CARF: variants seen among roughly 807,000 people sequenced by gnomAD.
The protein encoded by CARF is calcium responsive transcription factor, also known as calcium-responsive transcription factor.
Under a neutral mutation model 82.0 loss-of-function variants are expected in CARF, and 57 were observed. The observed-to-expected ratio is 0.70, with a 90% CI of 0.56 to 0.87. The LOEUF (loss-of-function observed/expected upper bound fraction) is 0.87. Ranked by LOEUF, CARF falls within the 40% of genes least tolerant of loss-of-function variation. The pLI is 0.00. For synonymous variants in CARF, 268 were observed against 290.1 expected (o/e 0.92, Z 0.77); for missense variants, 771 against 855.8 (o/e 0.90, Z 1.24).
chr2:202,918,389 C>T (rs1294989154), intron 2 of CARF, among the ~76,000 whole-genome samples: 1 of 151,950 alleles, frequency 6.6e-6, no homozygotes, highest in African/African-American at 2.4e-5. Context: ...GGCATGGTGG[C>T]GGGCGCCTAT....
chr2:202,937,051 A>G (rs765619729), intron 3 of CARF, among the ~76,000 whole-genome samples: 5 of 152,188 alleles, frequency 3.3e-5, no homozygotes, highest in Non-Finnish European at 5.9e-5. Flanking sequence ...TGTTGAAGAT[A>G]GTATTCTTTC....
intron 3 of CARF, among the ~76,000 whole-genome samples, chr2:202,939,436 C>T (rs946354811): frequency 6.6e-6 from 1 of 152,062 alleles, no homozygotes; most frequent in Non-Finnish European, 1.5e-5. Flanking sequence ...GTGTGTTTAT[C>T]GGGATAGTAA....
At position 202,987,760 on chromosome 2, in the gene CARF, G is replaced by C. The variant is rs2060489817; in HGVS notation, c.*4136G>C. The stretch of plus-strand genomic sequence containing the variant: ...TTTGGGTATAAGAATACTAAAACCA[G>C]AGTACAGGGTGTGAATCATGTACCA... On this transcript the variant is annotated 3_prime_UTR_variant, in exon 17 of 17. Transcript: ENST00000438828. Among the ~76,000 whole-genome samples the C allele has an allele frequency of 6.6e-6, 1 of 152,148 alleles. No individual in the cohort carries two copies. The highest frequency in any genetic ancestry group is 2.1e-4 in the South Asian group (1 of 4,830).
chr2:202,921,646 A>G (rs1690812440), intron 2 of CARF, among the ~76,000 whole-genome samples: 5 of 152,162 alleles, frequency 3.3e-5, no homozygotes, highest in Admixed American at 3.3e-4. Flanking sequence ...TGTAGTAATA[A>G]TTCATTTTGT....
chr2:202,913,782 A>G (rs1689097116), intron 1 of CARF, among the ~76,000 whole-genome samples: 1 of 152,236 alleles, frequency 6.6e-6, no homozygotes, highest in Admixed American at 6.5e-5. Context: ...CAGCAGGTTA[A>G]TACATTTTTA....
In CARF at chr2:202,941,980, G is replaced by C. The variant is rs1366428954; in HGVS notation, c.78G>C (p.Glu26Asp). 14 of 1,612,416 alleles carry C rather than the reference G, an allele frequency of 8.7e-6. No homozygotes were observed. Among genetic ancestry groups the C allele is most frequent in the Admixed American group, 1.7e-5 (1 of 59,970 alleles). Residue 26 changes from glutamate (E) to aspartate (D), a missense_variant and splice_region_variant, in exon 4 of 17, where the codon GAG becomes GAC. Transcript: ENST00000438828. ...CAAAAACCAGTGCTCAAGTATTTGA[G>C]GTATGGATTCAGCTGGGAACCTTTT... ...EESKTSAQVF[E>D]HLICMDSRDS...
chr2:202,924,912 G>A (rs958937122), intron 3 of CARF: 5 of 251,302 alleles, frequency 2.0e-5, no homozygotes, highest in East Asian at 1.1e-4. Flanking sequence ...TATGCACCCC[G>A]GAGAAATTGC....
chr2:202,961,391 A>G lies in CARF; in HGVS notation c.797A>G (p.Tyr266Cys). 1 of 1,614,208 alleles carries G rather than the reference A, an allele frequency of 6.2e-7. No individual in the cohort carries two copies. Among genetic ancestry groups the G allele is most frequent in the African/African-American group, 1.3e-5 (1 of 75,048 alleles). The change falls in exon 9 of 17, where the codon TAT becomes TGT. Residue 266 changes from tyrosine (Y) to cysteine (C), a missense_variant. Coordinates refer to ENST00000438828, the MANE Select transcript of CARF (RefSeq NM_024744.17). ...ACACGCTTGATGTGGAAATCCCAGT[A>G]TGTTCCATATGATGGAATCCCATTT... ...PATRLMWKSQYVPYDGIPFVN... is the reference protein window; with the variant it reads ...PATRLMWKSQCVPYDGIPFVN...
At chr2:202,961,119 C>G in intron 8 of CARF, 118 bp from the exon 9 acceptor site, 2 of 796,150 alleles carry the variant, frequency 2.5e-6, no homozygotes, top group South Asian at 3.7e-5. Context: ...TCTGAGGGCA[C>G]AAATGACATT....
At chr2:202,937,948 G>A (rs1471558478) in intron 3 of CARF, among the ~76,000 whole-genome samples, 2 of 146,248 alleles carry the variant, frequency 1.4e-5, no homozygotes, top group African/African-American at 5.2e-5. Flanking sequence ...AAAAAAAAAT[G>A]TTTTAATTGT....
At chr2:202,951,919 G>T (rs2058774114) in intron 5 of CARF, among the ~76,000 whole-genome samples, 1 of 150,276 alleles carries the variant, frequency 6.7e-6, no homozygotes, top group East Asian at 2.0e-4. Context: ...TGCAACCTCT[G>T]CCTCCCAGAT....
intron 3 of CARF, among the ~76,000 whole-genome samples, chr2:202,938,027 G>A (rs1479752064): frequency 6.6e-6 from 1 of 151,954 alleles, no homozygotes; most frequent in Non-Finnish European, 1.5e-5. Flanking sequence ...AATAATCATA[G>A]CATGTAAAAT....
At chr2:202,948,445 G>T in intron 5 of CARF, among the ~76,000 whole-genome samples, 1 of 152,274 alleles carries the variant, frequency 6.6e-6, no homozygotes, top group Middle Eastern at 3.4e-3. Context: ...GCTTTGCGCA[G>T]TGTGGCCATT....
Position 202,912,798 on chromosome 2 carries a change from C to G in CARF, c.-634C>G, listed in dbSNP as rs1361985954. On this transcript the variant is annotated 5_prime_UTR_variant, in exon 1 of 17. Coordinates refer to ENST00000438828, the MANE Select transcript of CARF (RefSeq NM_024744.17). ...CAATGTGTGGTCCCTCACGCCGTCC[C>G]GCACCTTGCTTTTTAGGGTTCTTTT... is the stretch of plus-strand genomic sequence containing the variant. The G allele has an allele frequency of 5.3e-5, 8 of 151,846 alleles. No individual in the cohort carries two copies. In the East Asian group the frequency reaches 1.6e-3, roughly 30 times the overall value. 9.4% of individuals were successfully genotyped at this position (151,846 alleles called of 1,614,324 possible).
chr2:202,942,339 A>C (rs2105803718), intron 4 of CARF, among the ~76,000 whole-genome samples: 1 of 151,680 alleles, frequency 6.6e-6, no homozygotes. Context: ...ACGCCACTGC[A>C]CTCCTGCCTG....
rs1309966072 is a variant in CARF at position 202,980,661 on chromosome 2, T to TATAC, written c.1559-893_1559-892insTACA. On this transcript the variant is annotated intron_variant, in intron 14 of 16. Transcript: ENST00000438828. ...ATATATATATATATATATATATATA[T>TATAC]AGTTGTGCCTCTGTATCTATGGGTT... Among the ~76,000 whole-genome samples the TATAC allele has an allele frequency of 8.8e-5, 11 of 125,424 alleles. 1 individual carries two copies. Among genetic ancestry groups the TATAC allele is most frequent in the African/African-American group, 3.4e-4 (11 of 32,380 alleles). The allele number at this position is 125,424 out of a possible 152,430, so 82.3% of individuals were successfully genotyped here.
intron 10 of CARF, among the ~76,000 whole-genome samples, chr2:202,969,313 T>A (rs1052479543): frequency 6.6e-6 from 1 of 151,996 alleles, no homozygotes; most frequent in Non-Finnish European, 1.5e-5. Flanking sequence ...TGGCAGCTCA[T>A]GCCTGTAATC....
At chr2:202,966,932 T>C (rs970167383) in intron 9 of CARF, 46 bp from the exon 10 acceptor site, 4 of 1,598,314 alleles carry the variant, frequency 2.5e-6, no homozygotes, top group Non-Finnish European at 2.6e-6. Flanking sequence ...GTGTCTAGAA[T>C]AGATGGACAC....
intron 10 of CARF, among the ~76,000 whole-genome samples, chr2:202,967,939 G>A (rs968671688): frequency 6.6e-6 from 1 of 152,094 alleles, no homozygotes. Flanking sequence ...ATTTTACAAT[G>A]TCCTTTATGA....
Sources: allele counts gnomAD v4.1 joint callset (sites outside exome capture counted in the v4.1 genomes callset), GRCh38; gene constraint gnomAD v4.1.1; transcripts MANE v1.5; gene names NCBI Gene and HGNC (gene_info 2026-07-23, HGNC 2026-07-21).